TNKS: variants seen among roughly 807,000 people sequenced by gnomAD.
The protein encoded by TNKS is poly [ADP-ribose] polymerase tankyrase-1.
TNKS carries 72 observed loss-of-function variants against 135.8 expected under a neutral mutation model. The observed-to-expected ratio is 0.53, with a 90% CI of 0.44 to 0.64. The LOEUF (loss-of-function observed/expected upper bound fraction) is 0.64. Among genes scored for constraint, TNKS ranks in the 30% least tolerant of loss-of-function variants. The probability of loss-of-function intolerance (pLI) is 0.00; values close to 1 mark genes in which losing one functional copy is unlikely to be tolerated. For missense variants in TNKS, 1,769 were observed against 1,674.0 expected (o/e 1.06, Z -0.99); for synonymous variants, 849 against 649.3 (o/e 1.31, Z -4.68).
chr8:9,752,757 C>G, intron 20 of TNKS, 131 bp downstream of exon 20: 1 of 549,650 alleles, frequency 1.8e-6, no homozygotes, highest in Non-Finnish European at 3.0e-6. Context: ...GAGTTTGAGA[C>G]CAGCCTGGGC....
intron 5 of TNKS, among the ~76,000 whole-genome samples, chr8:9,696,333 A>G (rs980848777): frequency 2.0e-5 from 3 of 152,192 alleles, no homozygotes; most frequent in African/African-American, 7.2e-5. Flanking sequence ...GGAAGAAAAC[A>G]TTTTAAGGAG....
intron 1 of TNKS, among the ~76,000 whole-genome samples, chr8:9,569,408 GT>G (rs1797676601): frequency 1.3e-5 from 2 of 152,124 alleles, no homozygotes; most frequent in Non-Finnish European, 2.9e-5. Flanking sequence ...CTTTTGAGTC[GT>G]TACCCCTCTA....
chr8:9,751,914 A>G (rs945272343), intron 19 of TNKS, 68 bp downstream of exon 19: 46 of 1,375,994 alleles, frequency 3.3e-5, no homozygotes, highest in African/African-American at 1.6e-4. Context: ...ACTTTTTTCT[A>G]TTGATAACTA....
chr8:9,579,411 A>G (rs7814014), intron 1 of TNKS, among the ~76,000 whole-genome samples: 40,836 of 152,036 alleles, frequency 0.27, 5,752 homozygotes, highest in East Asian at 0.38. Context: ...CCCTAATACA[A>G]TGCTGTGTGT....
intron 3 of TNKS, among the ~76,000 whole-genome samples, chr8:9,652,121 T>C (rs2128781571): frequency 6.6e-6 from 1 of 152,354 alleles, no homozygotes; most frequent in African/African-American, 2.4e-5. Context: ...CATATGGATA[T>C]ACTTGAAGCT....
intron 2 of TNKS, among the ~76,000 whole-genome samples, chr8:9,607,411 C>T (rs1485086867): frequency 6.6e-6 from 1 of 152,082 alleles, no homozygotes; most frequent in African/African-American, 2.4e-5. Flanking sequence ...ATAACCTTTC[C>T]AATAATTGTG....
intron 22 of TNKS, 39 bp from the exon 23 acceptor site, chr8:9,764,677 C>A: frequency 6.7e-7 from 1 of 1,495,782 alleles, no homozygotes; most frequent in Non-Finnish European, 9.1e-7. Flanking sequence ...GAATTACACA[C>A]TGGGATGTTT....
chr8:9,650,780 G>C (rs1801120125), intron 3 of TNKS, among the ~76,000 whole-genome samples: 1 of 152,106 alleles, frequency 6.6e-6, no homozygotes, highest in African/African-American at 2.4e-5. Context: ...TGTTTACTCT[G>C]CTGATGATTT....
intron 1 of TNKS, 169 bp downstream of exon 1, chr8:9,556,781 G>A: frequency 1.6e-6 from 1 of 641,586 alleles, no homozygotes; most frequent in East Asian, 3.3e-5. Context: ...CCTGGGTGAT[G>A]GGGGCGTGGT....
intron 1 of TNKS, 102 bp from the exon 2 acceptor site, chr8:9,580,057 G>A (rs974335613): frequency 2.2e-6 from 2 of 914,580 alleles, no homozygotes; most frequent in Non-Finnish European, 3.5e-6. Context: ...ATAGAGTGCA[G>A]TACTTCAGTT....
At chr8:9,628,425 G>A (rs566751603) in intron 3 of TNKS, among the ~76,000 whole-genome samples, 13 of 151,714 alleles carry the variant, frequency 8.6e-5, no homozygotes, top group African/African-American at 2.4e-4. Flanking sequence ...CCACTTTCTC[G>A]TGGAGCCTCT....
At chr8:9,602,242 C>G (rs777054294) in intron 2 of TNKS, among the ~76,000 whole-genome samples, 1 of 152,108 alleles carries the variant, frequency 6.6e-6, no homozygotes, top group Non-Finnish European at 1.5e-5. Flanking sequence ...GTAGGTTTAG[C>G]TAGTTGATTA....
intron 2 of TNKS, among the ~76,000 whole-genome samples, chr8:9,599,985 A>G (rs933131623): frequency 1.3e-5 from 2 of 152,198 alleles, no homozygotes; most frequent in African/African-American, 4.8e-5. Context: ...TTTTATTCAC[A>G]TGGATGAATT....
chr8:9,567,307 T>C (rs969754310), intron 1 of TNKS, among the ~76,000 whole-genome samples: 2 of 152,264 alleles, frequency 1.3e-5, no homozygotes, highest in African/African-American at 4.8e-5. Context: ...TCTGGTCTTT[T>C]GTTCAGTTGA....
intron 1 of TNKS, among the ~76,000 whole-genome samples, chr8:9,566,692 T>C (rs1384123597): frequency 1.2e-4 from 17 of 138,474 alleles, no homozygotes; most frequent in African/African-American, 4.6e-4. Context: ...CACTGCAAGC[T>C]CCGCCTCCCG....
At position 9,580,206 on chromosome 8, in the gene TNKS, A is replaced by T. The variant is rs200260123; in HGVS notation, c.721A>T (p.Asn241Tyr). 10 of 1,614,034 alleles carry T rather than the reference A, an allele frequency of 6.2e-6. No individual in the cohort carries two copies. The highest frequency in any genetic ancestry group is 8.5e-6 in the Non-Finnish European group (10 of 1,180,028). Residue 241 changes from asparagine (N) to tyrosine (Y), a missense_variant, in exon 2 of 27, where the codon AAT becomes TAT. Asn to Tyr is a moderately radical substitution (Grantham distance 143, BLOSUM62 -2). Around this residue, in one of 5 missense-constraint regions of TNKS, gnomAD observed 523 missense variants for 541.0 expected, o/e 0.97. Transcript: ENST00000310430. Reference sequence around the variant, plus strand: ...AGAACACTTACTACAGATGGGTGCTAATGTCCACGCTCGTGATGATGGAGG... The same window carrying T: ...AGAACACTTACTACAGATGGGTGCTTATGTCCACGCTCGTGATGATGGAGG... Reference protein sequence around the residue: ...VVEHLLQMGANVHARDDGGLI... With the variant: ...VVEHLLQMGAYVHARDDGGLI...
At position 9,731,460 on chromosome 8, in the gene TNKS, CAAAAAAAAA is replaced by C. The variant is rs36213271; in HGVS notation, c.2147+441_2147+449del. The stretch of plus-strand genomic sequence containing the variant: ...GGGCAACAAGAGCGAAATTCCATCT[CAAAAAAAAA>C]AAAAAAAAAAAAAAACATAGAAATG... On this transcript the variant is annotated intron_variant, in intron 14 of 26. Coordinates refer to ENST00000310430, the MANE Select transcript of TNKS (RefSeq NM_003747.3). 9.3e-3 allele frequency among the ~76,000 whole-genome samples: 629 copies of C among 67,582 alleles called. 28 individuals carry two copies. The highest frequency in any genetic ancestry group is 4.6e-3 in the Non-Finnish European group (164 of 35,980). 44.3% of individuals were successfully genotyped at this position (67,582 alleles called of 152,430 possible).
chr8:9,762,803 G>A (rs1395021547), intron 21 of TNKS, among the ~76,000 whole-genome samples: 1 of 151,238 alleles, frequency 6.6e-6, no homozygotes, highest in Admixed American at 6.6e-5. Flanking sequence ...TACTAGGGAG[G>A]CTGAGGCAGG....
At chr8:9,726,499 C>T in intron 12 of TNKS, 142 bp from the exon 13 acceptor site, 3 of 583,752 alleles carry the variant, frequency 5.1e-6, no homozygotes, top group South Asian at 6.3e-5. Context: ...TTTGCTACAA[C>T]ATTTAGTAAA....
Sources: allele counts gnomAD v4.1 joint callset (sites outside exome capture counted in the v4.1 genomes callset), GRCh38; gene constraint gnomAD v4.1.1; regional missense constraint gnomAD v4.1.1; transcripts MANE v1.5; gene names NCBI Gene and HGNC (gene_info 2026-07-23, HGNC 2026-07-21).